DNAJC1: variants seen among roughly 807,000 people sequenced by gnomAD.
The protein encoded by DNAJC1 is dnaJ homolog subfamily C member 1.
A neutral mutation model predicts 76.6 loss-of-function variants in DNAJC1; 58 were observed. That is an observed-to-expected ratio of 0.76 (90% CI 0.61 to 0.94). DNAJC1 has a LOEUF of 0.94. Ranked by LOEUF, DNAJC1 falls within the 40% of genes least tolerant of loss-of-function variation. The pLI is 0.00. For missense variants in DNAJC1, 689 were observed against 677.3 expected (o/e 1.02, Z -0.19); for synonymous variants, 258 against 267.9 (o/e 0.96, Z 0.36).
intron 1 of DNAJC1, among the ~76,000 whole-genome samples, chr10:21,963,683 A>G (rs887217166): frequency 6.6e-6 from 1 of 152,124 alleles, no homozygotes; most frequent in Non-Finnish European, 1.5e-5. Flanking sequence ...GCGTCTTTGT[A>G]TTTTAAGTAT....
intron 8 of DNAJC1, among the ~76,000 whole-genome samples, chr10:21,836,335 A>C (rs1835452994): frequency 6.6e-6 from 1 of 152,222 alleles, no homozygotes; most frequent in Admixed American, 6.5e-5. Context: ...AGCACTAAAC[A>C]TGGAAAGGAA....
chr10:21,986,596 T>TCA (rs1366231005), intron 1 of DNAJC1, among the ~76,000 whole-genome samples: 1 of 152,128 alleles, frequency 6.6e-6, no homozygotes, highest in Non-Finnish European at 1.5e-5. Flanking sequence ...TCTGGGATGA[T>TCA]CATATTTTTC....
At chr10:21,841,254 G>C (rs1250214104) in intron 8 of DNAJC1, among the ~76,000 whole-genome samples, 1 of 152,116 alleles carries the variant, frequency 6.6e-6, no homozygotes, top group African/African-American at 2.4e-5. Context: ...ATTGACAAAT[G>C]GATCTAATTA....
rs1259309024 is a variant in DNAJC1 at position 22,003,335 on chromosome 10, G to A, written c.100C>T (p.Leu34=). The change falls in exon 1 of 12, where the codon CTG becomes TTG. Residue 34 remains leucine, a synonymous_variant. Coordinates refer to ENST00000376980, the MANE Select transcript of DNAJC1 (RefSeq NM_022365.4). ...PPPPRTPLLW[L]LLLLLAAVAP... The stretch of plus-strand genomic sequence containing the variant: ...ACGGCGGCCAGCAGCAGCAGCAGCA[G>A]CCACAGCAGCGGCGTCCGCGGCGGC... 1 of 1,507,726 alleles carries A rather than the reference G, an allele frequency of 6.6e-7. No individual in the cohort carries two copies. Among genetic ancestry groups the A allele is most frequent in the Admixed American group, 2.2e-5 (1 of 45,560 alleles). 93.4% of individuals were successfully genotyped at this position (1,507,726 alleles called of 1,614,324 possible).
At chr10:21,865,764 A>G (rs1334167840) in intron 8 of DNAJC1, 1 of 152,088 alleles carries the variant, frequency 6.6e-6, no homozygotes, top group East Asian at 1.9e-4. Context: ...GGGGACATGG[A>G]GTACAGTAAA....
intron 8 of DNAJC1, among the ~76,000 whole-genome samples, chr10:21,814,147 G>A (rs1460285386): frequency 1.3e-5 from 2 of 152,168 alleles, no homozygotes; most frequent in African/African-American, 4.8e-5. Flanking sequence ...CAGCGAACAT[G>A]CTAATTAAGT....
At chr10:21,903,888 TA>T (rs1422099752) in intron 7 of DNAJC1, among the ~76,000 whole-genome samples, 8 of 152,022 alleles carry the variant, frequency 5.3e-5, no homozygotes, top group African/African-American at 1.9e-4. Context: ...GGAATAAAAA[TA>T]AAGAAATGCA....
chr10:21,904,060 A>G (rs1172617833), intron 7 of DNAJC1, among the ~76,000 whole-genome samples: 1 of 152,232 alleles, frequency 6.6e-6, no homozygotes, highest in Non-Finnish European at 1.5e-5. Flanking sequence ...TTTTCAACAT[A>G]CTGATAATTT....
intron 1 of DNAJC1, among the ~76,000 whole-genome samples, chr10:21,939,211 A>C (rs1160512932): frequency 2.0e-5 from 3 of 152,130 alleles, no homozygotes; most frequent in Non-Finnish European, 2.9e-5. Context: ...ACTCTTCTTA[A>C]TGAAACTTCT....
chr10:21,966,830 C>T (rs1178358997), intron 1 of DNAJC1, among the ~76,000 whole-genome samples: 1 of 151,614 alleles, frequency 6.6e-6, no homozygotes, highest in Non-Finnish European at 1.5e-5. Context: ...GGATTACAGG[C>T]ACGTGCCACC....
intron 8 of DNAJC1, among the ~76,000 whole-genome samples, chr10:21,832,197 A>G (rs1835368558): frequency 6.6e-6 from 1 of 152,162 alleles, no homozygotes. Flanking sequence ...CTCCTGCAAC[A>G]TTCCACTTTT....
intron 9 of DNAJC1, among the ~76,000 whole-genome samples, chr10:21,777,789 C>T (rs1344431930): frequency 6.6e-6 from 1 of 152,228 alleles, no homozygotes; most frequent in Non-Finnish European, 1.5e-5. Flanking sequence ...AAACTCACAT[C>T]TGTAACAAAA....
intron 7 of DNAJC1, among the ~76,000 whole-genome samples, chr10:21,883,705 T>C (rs1474732218): frequency 1.3e-5 from 2 of 152,216 alleles, no homozygotes; most frequent in African/African-American, 4.8e-5. Context: ...TCAGTTTTAA[T>C]CCTCATGATC....
At chr10:21,930,033 C>T (rs1277822992) in intron 1 of DNAJC1, among the ~76,000 whole-genome samples, 3 of 152,140 alleles carry the variant, frequency 2.0e-5, no homozygotes, top group Non-Finnish European at 2.9e-5. Flanking sequence ...TGGAGTGCGG[C>T]GGCACAATCT....
chr10:21,955,732 A>C (rs1837668769), intron 1 of DNAJC1, among the ~76,000 whole-genome samples: 1 of 152,150 alleles, frequency 6.6e-6, no homozygotes, highest in Non-Finnish European at 1.5e-5. Context: ...TTTTTTAAAA[A>C]CCAAATTTTA....
chr10:21,902,215 G>C (rs1836667448), intron 7 of DNAJC1, among the ~76,000 whole-genome samples: 1 of 152,176 alleles, frequency 6.6e-6, no homozygotes, highest in South Asian at 2.1e-4. Context: ...ATAAGCTAGT[G>C]ATGAATTTTC....
chr10:21,878,619 A>G (rs1168469497), intron 8 of DNAJC1, among the ~76,000 whole-genome samples: 2 of 152,088 alleles, frequency 1.3e-5, no homozygotes, highest in African/African-American at 4.8e-5. Context: ...CTTTTTCTTA[A>G]TTTTTTCAGT....
At chr10:21,894,499 A>G (rs1350051400) in intron 7 of DNAJC1, among the ~76,000 whole-genome samples, 1 of 152,168 alleles carries the variant, frequency 6.6e-6, no homozygotes, top group African/African-American at 2.4e-5. Context: ...TGAACCTGGG[A>G]GGTGTAGATT....
Position 21,806,077 on chromosome 10 carries a change from T to A in DNAJC1, c.1001A>T (p.Asp334Val). 1 of 1,612,130 alleles carries A rather than the reference T, an allele frequency of 6.2e-7. No homozygotes were observed. The highest frequency in any genetic ancestry group is 1.1e-5 in the South Asian group (1 of 90,954). ...CATACTTCTTGTCAGTTGGCTGAGG[T>A]CCTCTTCTGTCCATTCAGGTGCCTG... ...KKQAPEWTEE[D>V]LSQLTRSMVK... Residue 334 changes from aspartate (D) to valine (V), a missense_variant, in exon 9 of 12, where the codon GAC becomes GTC. Coordinates refer to ENST00000376980, the MANE Select transcript of DNAJC1 (RefSeq NM_022365.4).
Sources: gnomAD v4.1 joint callset for allele counts (sites outside exome capture counted in the v4.1 genomes callset) on GRCh38, gnomAD v4.1.1 for gene constraint, MANE v1.5 for transcripts, NCBI Gene and HGNC (gene_info 2026-07-23, HGNC 2026-07-21) for gene names.